The following PLEKHA7 variants were observed in gnomAD, a reference collection of about 807,000 sequenced individuals.
The protein encoded by PLEKHA7 is pleckstrin homology domain containing A7, also known as pleckstrin homology domain-containing family A member 7.
PLEKHA7 carries 104 observed loss-of-function variants against 170.0 expected under a neutral mutation model. The observed-to-expected ratio is 0.61, with a 90% CI of 0.52 to 0.72. PLEKHA7 has a LOEUF of 0.72. Among genes scored for constraint, PLEKHA7 ranks in the 30% least tolerant of loss-of-function variants. The pLI is 0.00. For synonymous variants in PLEKHA7, 648 were observed against 660.8 expected, an observed-to-expected ratio of 0.98 and a Z score of 0.30; for missense variants, 1,615 against 1,671.7, an observed-to-expected ratio of 0.97 and a Z score of 0.59.
chr11:16,907,438 G>A (rs1166882935), intron 3 of PLEKHA7, among the ~76,000 whole-genome samples: 3 of 120,602 alleles, frequency 2.5e-5, no homozygotes, highest in Non-Finnish European at 3.7e-5. Flanking sequence ...GGTGAGGGGC[G>A]CCTCTGCCTG....
chr11:16,957,689 A>ATATTTTTCTTTTTTTT (rs1420004461), intron 3 of PLEKHA7, among the ~76,000 whole-genome samples: 1 of 118,226 alleles, frequency 8.5e-6, no homozygotes, highest in African/African-American at 3.3e-5. Flanking sequence ...TACCTCAATA[A>ATATTTTTCTTTTTTTT]TTTTTTTCTT....
intron 10 of PLEKHA7, among the ~76,000 whole-genome samples, chr11:16,820,227 T>C (rs1225190295): frequency 1.3e-5 from 2 of 152,200 alleles, no homozygotes; most frequent in African/African-American, 4.8e-5. Flanking sequence ...CTAATTGTTT[T>C]AAAACTCAAC....
At chr11:16,957,697 C>CT (rs1169142909) in intron 3 of PLEKHA7, among the ~76,000 whole-genome samples, 1,123 of 87,080 alleles carry the variant, frequency 0.013, 35 homozygotes, top group African/African-American at 0.039. Context: ...TAATTTTTTT[C>CT]TTTTTTTTTT....
chr11:16,836,610 C>A (rs191491941), intron 9 of PLEKHA7, among the ~76,000 whole-genome samples: 1 of 152,104 alleles, frequency 6.6e-6, no homozygotes, highest in Non-Finnish European at 1.5e-5. Flanking sequence ...GTCTGCCTGA[C>A]GAATAATTTT....
intron 3 of PLEKHA7, among the ~76,000 whole-genome samples, chr11:16,905,849 A>G (rs1857623268): frequency 6.6e-6 from 1 of 152,206 alleles, no homozygotes; most frequent in African/African-American, 2.4e-5. Context: ...TAATTTATTT[A>G]AGACAGGAAT....
chr11:16,920,431 C>G (rs2136233916), intron 3 of PLEKHA7, among the ~76,000 whole-genome samples: 1 of 152,214 alleles, frequency 6.6e-6, no homozygotes, highest in South Asian at 2.1e-4. Flanking sequence ...ACAAATGTCC[C>G]CATTTCTAAA....
intron 3 of PLEKHA7, among the ~76,000 whole-genome samples, chr11:16,985,196 A>T (rs943690487): frequency 6.6e-6 from 1 of 152,230 alleles, no homozygotes; most frequent in Non-Finnish European, 1.5e-5. Context: ...GTTGGCATGC[A>T]GGTGCCCACT....
chr11:16,830,390 C>T (rs185410556), intron 9 of PLEKHA7, among the ~76,000 whole-genome samples: 81 of 152,292 alleles, frequency 5.3e-4, no homozygotes, highest in African/African-American at 1.9e-3. Context: ...CACACCCTGG[C>T]CAAGTCGCTG....
intron 10 of PLEKHA7, among the ~76,000 whole-genome samples, chr11:16,818,502 C>T (rs1849949356): frequency 6.6e-6 from 1 of 152,218 alleles, no homozygotes; most frequent in Non-Finnish European, 1.5e-5. Flanking sequence ...CCACGTGGAC[C>T]TTCTGTAGTG....
intron 10 of PLEKHA7, among the ~76,000 whole-genome samples, chr11:16,823,601 C>A (rs1024445186): frequency 5.3e-5 from 8 of 152,188 alleles, no homozygotes; most frequent in African/African-American, 1.7e-4. Flanking sequence ...ATGTCTCTTA[C>A]CTATGCTTGT....
At position 16,789,090 on chromosome 11, in the gene PLEKHA7, A is replaced by T; in HGVS notation, c.3357+6T>A. 1 of 1,600,898 alleles carries T rather than the reference A, an allele frequency of 6.2e-7. No individual in the cohort carries two copies. Among genetic ancestry groups the T allele is most frequent in the East Asian group, 2.2e-5 (1 of 44,860 alleles). ...CTGCCCCGCTGCCTGGCCCCTCCTA[A>T]CATACTGAGCCAAGATCTCCAGGGA... On this transcript the variant is annotated splice_donor_region_variant and intron_variant, in intron 23 of 26. Transcript: ENST00000531066. This position sits in a 1 kb window ranked among gnomAD's most constrained non-coding sequence, Gnocchi z 4.6.
intron 3 of PLEKHA7, among the ~76,000 whole-genome samples, chr11:16,887,349 C>T (rs1388354211): frequency 1.3e-5 from 1 of 77,868 alleles, no homozygotes; most frequent in African/African-American, 3.1e-5. Context: ...TCTCCCTCTC[C>T]CCACGGTCTG....
chr11:16,955,847 A>G (rs1861666789), intron 3 of PLEKHA7, among the ~76,000 whole-genome samples: 1 of 152,168 alleles, frequency 6.6e-6, no homozygotes, highest in Non-Finnish European at 1.5e-5. Context: ...GAGAATGGTT[A>G]GAGACCTGGT....
At chr11:16,831,412 T>C (rs1441189322) in intron 9 of PLEKHA7, among the ~76,000 whole-genome samples, 3 of 152,148 alleles carry the variant, frequency 2.0e-5, no homozygotes, top group African/African-American at 7.2e-5. Context: ...TGGGAAGGAA[T>C]GAAGCACCCC....
chr11:16,786,746 C>T (rs1193951134), intron 23 of PLEKHA7: 1 of 985,302 alleles, frequency 1.0e-6, no homozygotes, highest in African/African-American at 1.7e-5. Flanking sequence ...CCACTCTCTA[C>T]AGCTGGTTCA....
At chr11:16,909,477 C>CA (rs1227966741) in intron 3 of PLEKHA7, among the ~76,000 whole-genome samples, 2 of 152,178 alleles carry the variant, frequency 1.3e-5, no homozygotes, top group African/African-American at 4.8e-5. Context: ...TGAAGGAAAA[C>CA]AGAAGGCAGC....
intron 3 of PLEKHA7, among the ~76,000 whole-genome samples, chr11:16,963,065 G>A (rs1177229273): frequency 1.3e-5 from 2 of 152,154 alleles, no homozygotes; most frequent in Non-Finnish European, 2.9e-5. Context: ...TAGATGAGGT[G>A]GCCTTCCACT....
rs532239696 is a variant in PLEKHA7 at position 16,788,916 on chromosome 11, T to A, written c.3357+180A>T. The A allele has an allele frequency of 3.4e-4, 251 of 748,524 alleles. 2 individuals are homozygous for A. In the African/African-American group the frequency reaches 4.0e-3, roughly 12 times the overall value. 46.4% of individuals were successfully genotyped at this position (748,524 alleles called of 1,614,324 possible). On this transcript the variant is annotated intron_variant, in intron 23 of 26. Coordinates refer to ENST00000531066, the MANE Select transcript of PLEKHA7 (RefSeq NM_001329630.2). ...ACTCCAGCTCTGGTTCAGGTCACCC[T>A]CTGACCAGGCATTCGTCCAGCCTGG...
At chr11:16,873,267 A>C (rs962746648) in intron 3 of PLEKHA7, among the ~76,000 whole-genome samples, 1 of 152,208 alleles carries the variant, frequency 6.6e-6, no homozygotes, top group Non-Finnish European at 1.5e-5. Flanking sequence ...AGGCCTACAA[A>C]GTCTTTTTTT....
Sources: allele counts gnomAD v4.1 joint callset (sites outside exome capture counted in the v4.1 genomes callset), GRCh38; gene constraint gnomAD v4.1.1; non-coding constraint Gnocchi (gnomAD v3.1); transcripts MANE v1.5; gene names NCBI Gene and HGNC (gene_info 2026-07-23, HGNC 2026-07-21).